TBC1D5: variants seen among roughly 807,000 people sequenced by gnomAD.
TBC1D5 encodes the protein TBC1 domain family, member 5.
A neutral mutation model predicts 100.3 loss-of-function variants in TBC1D5; 75 were observed. The ratio of observed to expected loss-of-function variants is 0.75; its 90% CI spans 0.62 to 0.91. The LOEUF is 0.91. TBC1D5 is among the 40% of genes least tolerant of loss of function. TBC1D5 has a pLI of 0.00. For missense variants in TBC1D5, 910 were observed against 942.4 expected (o/e 0.97, Z 0.45); for synonymous variants, 323 against 325.6 (o/e 0.99, Z 0.09).
chr3:17,271,096 A>G (rs2733489), intron 15 of TBC1D5, among the ~76,000 whole-genome samples: 76,070 of 151,968 alleles, frequency 0.5, 20,542 homozygotes, highest in African/African-American at 0.68. Flanking sequence ...TTGGCTATTC[A>G]GGCTCTTTTT....
chr3:17,558,617 T>A (rs973821817), intron 2 of TBC1D5, among the ~76,000 whole-genome samples: 1 of 151,876 alleles, frequency 6.6e-6, no homozygotes. Flanking sequence ...TAAATGGGAG[T>A]GAGAAAGGTG....
At chr3:17,727,239 G>C (rs1350713313) in intron 1 of TBC1D5, among the ~76,000 whole-genome samples, 1 of 152,052 alleles carries the variant, frequency 6.6e-6, no homozygotes, top group African/African-American at 2.4e-5. Flanking sequence ...AAATTAGCTG[G>C]GCACGGTGGC....
At chr3:17,593,669 C>T (rs1201400770) in intron 2 of TBC1D5, among the ~76,000 whole-genome samples, 6 of 152,150 alleles carry the variant, frequency 3.9e-5, no homozygotes, top group Admixed American at 2.0e-4. Flanking sequence ...CCACACAGCA[C>T]CCTCTGACCA....
chr3:17,247,654 A>G (rs953762085), intron 16 of TBC1D5, among the ~76,000 whole-genome samples: 1 of 152,234 alleles, frequency 6.6e-6, no homozygotes, highest in Admixed American at 6.5e-5. Context: ...CTTTTAAAGA[A>G]AGGTTTCTCA....
chr3:17,247,031 C>A (rs77812831), intron 16 of TBC1D5, among the ~76,000 whole-genome samples: 3 of 152,042 alleles, frequency 2.0e-5, no homozygotes, highest in Non-Finnish European at 4.4e-5. Context: ...TCACCTGGGT[C>A]CTGGGTCACA....
chr3:17,372,225 G>T, exon 13 of TBC1D5: 1 of 1,610,368 alleles, frequency 6.2e-7, no homozygotes, highest in Non-Finnish European at 8.5e-7. Flanking sequence ...AAAGGGAATG[G>T]GAGTCATCAG....
chr3:17,611,211 T>C (rs1259966196), intron 2 of TBC1D5, among the ~76,000 whole-genome samples: 1 of 152,180 alleles, frequency 6.6e-6, no homozygotes, highest in Non-Finnish European at 1.5e-5. Flanking sequence ...TTAGAACTTA[T>C]ATTGTAAAGT....
intron 3 of TBC1D5, among the ~76,000 whole-genome samples, chr3:17,504,135 CAGAT>C (rs920383925): frequency 9.8e-4 from 2 of 2,050 alleles, no homozygotes; most frequent in African/African-American, 2.7e-3. Context: ...AAGAGAAAGA[CAGAT>C]GGAGGAAAGA....
intron 1 of TBC1D5, among the ~76,000 whole-genome samples, chr3:17,727,507 T>A (rs1253595781): frequency 6.6e-6 from 1 of 151,978 alleles, no homozygotes; most frequent in African/African-American, 2.4e-5. Context: ...TAAGAAACAA[T>A]AACAAAAGCA....
intron 15 of TBC1D5, among the ~76,000 whole-genome samples, chr3:17,260,282 A>G (rs1280065902): frequency 6.6e-6 from 1 of 152,198 alleles, no homozygotes; most frequent in Admixed American, 6.5e-5. Flanking sequence ...CCAACAAACT[A>G]CTAAAGGATT....
chr3:17,315,717 A>AC (rs1165869735), intron 13 of TBC1D5, among the ~76,000 whole-genome samples: 4 of 152,032 alleles, frequency 2.6e-5, no homozygotes, highest in South Asian at 2.1e-4. Flanking sequence ...ATAAATGAAG[A>AC]CCCCCCAAAT....
At chr3:17,406,058 T>C (rs17043574) in intron 5 of TBC1D5, among the ~76,000 whole-genome samples, 13,848 of 151,974 alleles carry the variant, frequency 0.091, 1,420 homozygotes, top group African/African-American at 0.26. Context: ...TAAATGATGG[T>C]TTGATATAAT....
chr3:17,521,499 G>GCTT (rs374765053), intron 2 of TBC1D5, among the ~76,000 whole-genome samples: 43 of 152,218 alleles, frequency 2.8e-4, no homozygotes, highest in African/African-American at 9.4e-4. Flanking sequence ...CATTGGTAAG[G>GCTT]CTTCTGGTCA....
At chr3:17,375,431 G>A (rs1431528827) in intron 10 of TBC1D5, among the ~76,000 whole-genome samples, 1 of 152,006 alleles carries the variant, frequency 6.6e-6, no homozygotes, top group Non-Finnish European at 1.5e-5. Flanking sequence ...GCTGGGCGAG[G>A]TGGTGCCCGC....
chr3:17,162,259 G>A (rs17043157), intron 21 of TBC1D5, among the ~76,000 whole-genome samples: 3 of 152,128 alleles, frequency 2.0e-5, no homozygotes, highest in South Asian at 2.1e-4. Flanking sequence ...TATGGAGACC[G>A]CTGACTGGAA....
intron 3 of TBC1D5, among the ~76,000 whole-genome samples, chr3:17,440,561 G>T (rs1015235793): frequency 6.6e-6 from 1 of 152,194 alleles, no homozygotes; most frequent in Non-Finnish European, 1.5e-5. Context: ...AGGCTGCAGT[G>T]AGCTGAGATG....
Position 17,511,586 on chromosome 3 carries a change from A to G in TBC1D5, c.-35-2981T>C, listed in dbSNP as rs141259165. Among the ~76,000 whole-genome samples, 6 of 152,134 alleles carry G rather than the reference A, an allele frequency of 3.9e-5. No individual in the cohort carries two copies. The East Asian group carries it at 1.2e-3, about 29-fold the overall frequency. On this transcript the variant is annotated intron_variant, in intron 2 of 21. Transcript: ENST00000253692. ...TGTTGTCAGAAGAAAATACTCTACCACACAATGATATTCATACGTTCATTT... is the reference window on the plus strand; with the variant it reads ...TGTTGTCAGAAGAAAATACTCTACCGCACAATGATATTCATACGTTCATTT...
At chr3:17,236,397 A>ACATTTACAATATGCTAATGCTTT (rs2075853916) in intron 17 of TBC1D5, among the ~76,000 whole-genome samples, 1 of 152,208 alleles carries the variant, frequency 6.6e-6, no homozygotes, top group Non-Finnish European at 1.5e-5. Flanking sequence ...GCATTAAAAT[A>ACATTTACAATATGCTAATGCTTT]CATTTACAAT....
At chr3:17,496,881 G>A (rs551736836) in intron 3 of TBC1D5, among the ~76,000 whole-genome samples, 28 of 152,164 alleles carry the variant, frequency 1.8e-4, no homozygotes, top group Admixed American at 3.3e-4. Flanking sequence ...GATATAATCT[G>A]CACTCTTCAG....
Sources: allele counts gnomAD v4.1 joint callset (sites outside exome capture counted in the v4.1 genomes callset), GRCh38; gene constraint gnomAD v4.1.1; transcripts MANE v1.5; gene names NCBI Gene and HGNC (gene_info 2026-07-23, HGNC 2026-07-21).